EYA1: variants seen among roughly 807,000 people sequenced by gnomAD.
The protein encoded by EYA1 is protein phosphatase EYA1.
Under a neutral mutation model 82.0 loss-of-function variants are expected in EYA1, and 16 were observed. That is an observed-to-expected ratio of 0.20 (90% CI 0.13 to 0.30). The LOEUF is 0.30. Ranked by LOEUF, EYA1 falls within the 10% of genes least tolerant of loss-of-function variation. The pLI, the probability that EYA1 is intolerant of heterozygous loss-of-function variation, is 1.00. For missense variants in EYA1, 633 were observed against 730.7 expected, an observed-to-expected ratio of 0.87 and a Z score of 1.54; for synonymous variants, 261 against 264.4, an observed-to-expected ratio of 0.99 and a Z score of 0.12.
intron 2 of EYA1, among the ~76,000 whole-genome samples, chr8:71,370,904 C>T (rs1450918250): frequency 6.6e-6 from 1 of 152,130 alleles, no homozygotes; most frequent in Non-Finnish European, 1.5e-5. Context: ...GGATTATAGG[C>T]ATGAGCCACT....
intron 2 of EYA1, among the ~76,000 whole-genome samples, chr8:71,512,989 T>A: frequency 6.6e-6 from 1 of 152,154 alleles, no homozygotes; most frequent in Non-Finnish European, 1.5e-5. Context: ...TAAGTTGATC[T>A]CATCATTCTC....
intron 2 of EYA1, among the ~76,000 whole-genome samples, chr8:71,481,090 A>G (rs535460779): frequency 1.1e-4 from 16 of 152,316 alleles, no homozygotes; most frequent in Admixed American, 8.5e-4. Context: ...CATTAAGCAT[A>G]TATTTTAAGT....
chr8:71,312,804 TAGTCC>T (rs1821492923), intron 7 of EYA1, among the ~76,000 whole-genome samples: 2 of 152,248 alleles, frequency 1.3e-5, no homozygotes, highest in Non-Finnish European at 2.9e-5. Context: ...ATAACTAGGT[TAGTCC>T]TTGGCATATA....
intron 9 of EYA1, among the ~76,000 whole-genome samples, chr8:71,275,072 G>T (rs1209183464): frequency 1.3e-5 from 2 of 151,948 alleles, no homozygotes; most frequent in Non-Finnish European, 2.9e-5. Context: ...GGCAGGTAAA[G>T]AATTCAACAA....
intron 17 of EYA1, among the ~76,000 whole-genome samples, chr8:71,199,713 G>T (rs1184416582): frequency 6.6e-6 from 1 of 152,184 alleles, no homozygotes; most frequent in Non-Finnish European, 1.5e-5. Context: ...TTAAATAAAA[G>T]AACGTTGCCA....
chr8:71,320,655 T>A (rs866004957), intron 6 of EYA1, among the ~76,000 whole-genome samples: 1 of 152,250 alleles, frequency 6.6e-6, no homozygotes, highest in Middle Eastern at 3.4e-3. Flanking sequence ...AATGCTGAAG[T>A]CGTACATAAT....
At chr8:71,271,629 T>C in intron 10 of EYA1, 129 bp downstream of exon 10, 1 of 955,862 alleles carries the variant, frequency 1.0e-6, no homozygotes, top group Non-Finnish European at 1.7e-6. Context: ...CTATTGTTAA[T>C]ATAAAAAAGA....
intron 4 of EYA1, among the ~76,000 whole-genome samples, chr8:71,327,559 G>A (rs762242629): frequency 2.0e-5 from 3 of 152,090 alleles, no homozygotes; most frequent in East Asian, 1.9e-4. Context: ...CTCACTTTAC[G>A]ATATTTGGAA....
At chr8:71,325,415 C>T (rs1440253833) in intron 4 of EYA1, among the ~76,000 whole-genome samples, 4 of 152,190 alleles carry the variant, frequency 2.6e-5, no homozygotes, top group Non-Finnish European at 4.4e-5. Flanking sequence ...TTACATTCCT[C>T]TGCTAACTAT....
intron 11 of EYA1, among the ~76,000 whole-genome samples, chr8:71,246,934 C>T (rs1813169701): frequency 6.6e-6 from 1 of 150,900 alleles, no homozygotes; most frequent in South Asian, 2.1e-4. Flanking sequence ...ACTCCCCACC[C>T]TCTTGGCACC....
At chr8:71,275,204 G>A (rs1817024771) in intron 9 of EYA1, among the ~76,000 whole-genome samples, 1 of 152,178 alleles carries the variant, frequency 6.6e-6, no homozygotes, top group African/African-American at 2.4e-5. Context: ...CCGGGCATAA[G>A]GAGATCTGAA....
At chr8:71,429,424 G>T (rs1358458600) in intron 2 of EYA1, among the ~76,000 whole-genome samples, 1 of 152,046 alleles carries the variant, frequency 6.6e-6, no homozygotes, top group Non-Finnish European at 1.5e-5. Context: ...AAAAATCCTT[G>T]TATTTTAGAT....
intron 1 of EYA1, among the ~76,000 whole-genome samples, chr8:71,358,426 C>A (rs773554031): frequency 6.6e-6 from 1 of 152,142 alleles, no homozygotes; most frequent in Non-Finnish European, 1.5e-5. Context: ...TTCAGATATA[C>A]TCTTTTGTGT....
chr8:71,315,071 G>A (rs1459870045), intron 7 of EYA1, among the ~76,000 whole-genome samples: 1 of 152,090 alleles, frequency 6.6e-6, no homozygotes, highest in African/African-American at 2.4e-5. Context: ...TGGGAGAAGA[G>A]CAAGATGAAA....
intron 2 of EYA1, among the ~76,000 whole-genome samples, chr8:71,504,044 A>C (rs1812009177): frequency 6.6e-6 from 1 of 152,230 alleles, no homozygotes; most frequent in Non-Finnish European, 1.5e-5. Context: ...CCTGGTGTAC[A>C]TAAATGTTTT....
intron 2 of EYA1, among the ~76,000 whole-genome samples, chr8:71,411,150 A>G (rs1407297177): frequency 7.2e-4 from 2 of 2,760 alleles, no homozygotes; most frequent in African/African-American, 2.3e-3. Context: ...TATTTAATAA[A>G]TGGTGCTGGG....
intron 2 of EYA1, among the ~76,000 whole-genome samples, chr8:71,416,371 C>T (rs1186346732): frequency 6.6e-6 from 1 of 152,194 alleles, no homozygotes; most frequent in Non-Finnish European, 1.5e-5. Context: ...GTCCTTTATT[C>T]AATGCGTTGC....
intron 2 of EYA1, among the ~76,000 whole-genome samples, chr8:71,491,271 A>G (rs1208653868): frequency 6.7e-6 from 1 of 150,254 alleles, no homozygotes; most frequent in African/African-American, 2.5e-5. Context: ...GCACTAAGAG[A>G]AAAAAAGAAA....
rs536609920 is a variant in EYA1, at chr8:71,511,110, T to C, written c.33+24634A>G. ...AAAAGCCTTCCTCACTTAGTCTCTT[T>C]AAACTGCCCTATACATAAAGGCAAA... is the stretch of plus-strand genomic sequence containing the variant. On this transcript the variant is annotated intron_variant, in intron 2 of 18. Transcript: ENST00000643681. Among the ~76,000 whole-genome samples, 101 of 152,246 alleles carry C rather than the reference T, an allele frequency of 6.6e-4. 1 individual carries two copies. Among genetic ancestry groups the C allele is most frequent in the African/African-American group, 2.1e-3 (88 of 41,554 alleles).
Sources: allele counts gnomAD v4.1 joint callset (sites outside exome capture counted in the v4.1 genomes callset), GRCh38; gene constraint gnomAD v4.1.1; transcripts MANE v1.5; gene names NCBI Gene and HGNC (gene_info 2026-07-23, HGNC 2026-07-21).